ELP6: variants seen among roughly 807,000 people sequenced by gnomAD.
ELP6 encodes the protein elongator acetyltransferase complex subunit 6, also known as elongator complex protein 6.
ELP6 carries 23 observed loss-of-function variants against 28.1 expected under a neutral mutation model. The observed-to-expected ratio is 0.82, with a 90% CI of 0.59 to 1.16. The LOEUF (loss-of-function observed/expected upper bound fraction) is 1.16, where lower values mean the gene tolerates loss of function less well. Ranked by LOEUF, ELP6 falls within the 50% of genes most tolerant of loss-of-function variation. The probability of loss-of-function intolerance (pLI) is 0.00; values close to 1 mark genes in which losing one functional copy is unlikely to be tolerated. For synonymous variants in ELP6, 132 were observed against 135.8 expected (o/e 0.97, Z 0.19); for missense variants, 313 against 334.6 (o/e 0.94, Z 0.50).
chr3:47,507,518 C>T lies in ELP6; in HGVS notation c.204+2666G>A, dbSNP rs886917952. On this transcript the variant is annotated intron_variant, in intron 3 of 6. Transcript: ENST00000296149. ...GTGCAGAAATAGGTCACATGGGGCT[C>T]GGCATGGTGCCTCACACCTGTAATC... Among the ~76,000 whole-genome samples the T allele has an allele frequency of 4.8e-5, 7 of 146,240 alleles. No homozygotes were observed. The East Asian group carries it at 1.1e-3, about 22-fold the overall frequency.
intron 3 of ELP6, among the ~76,000 whole-genome samples, chr3:47,505,768 C>A (rs990676137): frequency 6.6e-6 from 1 of 152,174 alleles, no homozygotes; most frequent in Non-Finnish European, 1.5e-5. Context: ...GATGGGGTTT[C>A]TCCATGTTGG....
intron 6 of ELP6, chr3:47,496,432 AG>A (rs1202694964): frequency 2.0e-6 from 2 of 985,044 alleles, no homozygotes; most frequent in Non-Finnish European, 2.4e-6. Context: ...AATGTGAAAG[AG>A]GAAAAAAAAA....
intron 5 of ELP6, chr3:47,499,829 A>G: frequency 1.7e-6 from 2 of 1,157,390 alleles, no homozygotes; most frequent in South Asian, 3.6e-5. Context: ...CCCCAGCTGG[A>G]CTGCTGCCAC....
intron 3 of ELP6, among the ~76,000 whole-genome samples, chr3:47,505,980 T>C (rs914944159): frequency 6.6e-6 from 1 of 152,224 alleles, no homozygotes; most frequent in African/African-American, 2.4e-5. Flanking sequence ...CCTGCCCCGA[T>C]AGTCACGTAG....
At position 47,503,311 on chromosome 3, in the gene ELP6, C is replaced by T. The variant is rs116211582; in HGVS notation, c.323+1019G>A. 4.5e-5 allele frequency: 58 copies of T among 1,287,790 alleles called. No homozygotes were observed. The African/African-American group carries it at 7.4e-4, about 17-fold the overall frequency. 79.8% of individuals were successfully genotyped at this position (1,287,790 alleles called of 1,614,324 possible). On this transcript the variant is annotated intron_variant, in intron 4 of 6. Transcript: ENST00000296149. ...CCTGTGTGGACCACTTTGTAGTGGA[C>T]GAAGAACAGCAGCCAAGCGGGGAGT...
chr3:47,509,177 G>T (rs113518254), intron 3 of ELP6, among the ~76,000 whole-genome samples: 4 of 151,706 alleles, frequency 2.6e-5, no homozygotes, highest in Non-Finnish European at 5.9e-5. Context: ...GGCCAGGCTG[G>T]TCTCCAACTC....
At chr3:47,508,765 CTT>C (rs1218072845) in intron 3 of ELP6, among the ~76,000 whole-genome samples, 27 of 132,162 alleles carry the variant, frequency 2.0e-4, no homozygotes, top group Admixed American at 4.6e-4. Flanking sequence ...TTTTTTTTTC[CTT>C]TTTTTTTTTT....
At chr3:47,501,495 G>C (rs577076698) in intron 5 of ELP6, 155 bp downstream of exon 5, 3 of 683,618 alleles carry the variant, frequency 4.4e-6, no homozygotes, top group African/African-American at 3.6e-5. Flanking sequence ...TGGCAGGTAA[G>C]GGAAAACAGG....
chr3:47,497,076 A>G lies in ELP6; in HGVS notation c.673-879T>C, dbSNP rs564096102. 6.6e-5 allele frequency: 65 copies of G among 979,582 alleles called. No homozygotes were observed. In the South Asian group the frequency reaches 2.7e-3, roughly 41 times the overall value. 60.7% of individuals were successfully genotyped at this position (979,582 alleles called of 1,614,324 possible). On this transcript the variant is annotated intron_variant, in intron 6 of 6. Transcript: ENST00000296149. ...ACTTGCCTCTGAAGGACTCTGGGCCAAGACTCCTAGCCACTCTTATTGGGT... is the reference window on the plus strand; with the variant it reads ...ACTTGCCTCTGAAGGACTCTGGGCCGAGACTCCTAGCCACTCTTATTGGGT...
At chr3:47,511,671 G>T in intron 1 of ELP6, 1 of 604,250 alleles carries the variant, frequency 1.7e-6, no homozygotes, top group Non-Finnish European at 2.1e-6. Context: ...ATTCTATTCT[G>T]TAGGGTGAGG....
chr3:47,496,329 A>G, intron 6 of ELP6, 132 bp from the exon 7 acceptor site: 1 of 1,427,828 alleles, frequency 7.0e-7, no homozygotes, highest in Non-Finnish European at 9.1e-7. Context: ...CCATCTGGTA[A>G]TGGGGCCAAC....
chr3:47,500,292 T>TA, intron 5 of ELP6: 1 of 1,022,606 alleles, frequency 9.8e-7, no homozygotes, highest in South Asian at 3.1e-5. Context: ...GGGAGACAAA[T>TA]ATGTGCATAT....
chr3:47,503,392 C>G, intron 4 of ELP6: 5 of 1,289,748 alleles, frequency 3.9e-6, no homozygotes, highest in Non-Finnish European at 5.1e-6. Context: ...GCAGGAAAAC[C>G]AGTCTCAGGC....
intron 3 of ELP6, among the ~76,000 whole-genome samples, chr3:47,508,237 TTATG>T (rs968357057): frequency 2.0e-5 from 3 of 152,188 alleles, no homozygotes; most frequent in African/African-American, 4.8e-5. Flanking sequence ...TTTTTTATTT[TTATG>T]TATGTATGTA....
chr3:47,510,616 T>C (rs1708986386), intron 2 of ELP6, among the ~76,000 whole-genome samples: 1 of 152,126 alleles, frequency 6.6e-6, no homozygotes, highest in African/African-American at 2.4e-5. Flanking sequence ...ACTATAGGCA[T>C]GCCCAGCTAA....
intron 3 of ELP6, among the ~76,000 whole-genome samples, chr3:47,507,838 A>T (rs191607213): frequency 6.6e-6 from 1 of 152,292 alleles, no homozygotes; most frequent in Admixed American, 6.5e-5. Context: ...TATTTATGTA[A>T]GTGCAACAAT....
intron 5 of ELP6, among the ~76,000 whole-genome samples, chr3:47,501,076 C>T (rs1708635225): frequency 6.6e-6 from 1 of 152,158 alleles, no homozygotes; most frequent in South Asian, 2.1e-4. Flanking sequence ...GTTAAAAACC[C>T]TATTATGGCT....
intron 3 of ELP6, among the ~76,000 whole-genome samples, chr3:47,505,046 C>A (rs1708786218): frequency 6.6e-6 from 1 of 152,096 alleles, no homozygotes; most frequent in Non-Finnish European, 1.5e-5. Flanking sequence ...GTGGGCAGAT[C>A]ACCTGAGGTC....
intron 6 of ELP6, 48 bp downstream of exon 6, chr3:47,498,238 C>T (rs768719287): frequency 2.1e-5 from 33 of 1,606,120 alleles, no homozygotes; most frequent in Non-Finnish European, 2.8e-5. Flanking sequence ...AGTCAAGAAT[C>T]ACAGGTACAC....
Sources: gnomAD v4.1 joint callset for allele counts (sites outside exome capture counted in the v4.1 genomes callset) on GRCh38, gnomAD v4.1.1 for gene constraint, MANE v1.5 for transcripts, NCBI Gene and HGNC (gene_info 2026-07-23, HGNC 2026-07-21) for gene names.